ETV5: variants seen among roughly 807,000 people sequenced by gnomAD.
The protein encoded by ETV5 is ETS variant transcription factor 5.
ETV5 carries 10 observed loss-of-function variants against 70.0 expected under a neutral mutation model. The ratio of observed to expected loss-of-function variants is 0.14; its 90% confidence interval spans 0.09 to 0.24. The LOEUF is 0.24. ETV5 is among the 10% of genes least tolerant of loss of function. The pLI, the probability that ETV5 is intolerant of heterozygous loss-of-function variation, is 1.00. For synonymous variants in ETV5, 216 were observed against 242.2 expected (o/e 0.89, Z 1.01); for missense variants, 453 against 651.2 (o/e 0.70, Z 3.31).
chr3:186,101,538 T>A (rs1203981987), intron 5 of ETV5, among the ~76,000 whole-genome samples: 2 of 152,178 alleles, frequency 1.3e-5, no homozygotes, highest in African/African-American at 4.8e-5. Context: ...ATTGAGTAAC[T>A]TTCTCAGGAT....
At position 186,047,860 on chromosome 3, in the gene ETV5, A is replaced by C; in HGVS notation, c.*779T>G. ...AAATCAGTTTATAAACTGTTTTTCC[A>C]AAACAACCACCAAAACAAAACAATC... is the stretch of plus-strand genomic sequence containing the variant. On this transcript the variant is annotated 3_prime_UTR_variant, in exon 13 of 13. Transcript: ENST00000306376. 1 of 233,630 alleles carries C rather than the reference A, an allele frequency of 4.3e-6. No individual in the cohort carries two copies. Among genetic ancestry groups the C allele is most frequent in the South Asian group, 1.8e-4 (1 of 5,522 alleles). The allele number at this position is 233,630 out of a possible 1,614,324, so 14.5% of individuals were successfully genotyped here. A position where few individuals can be genotyped will look rare whatever the true frequency, so the allele number is the denominator to read the frequency against.
intron 7 of ETV5, among the ~76,000 whole-genome samples, chr3:186,067,042 C>A (rs1326631690): frequency 1.3e-5 from 2 of 152,362 alleles, no homozygotes; most frequent in East Asian, 3.9e-4. Flanking sequence ...TGCCAGTAAT[C>A]CCAGCACTTT....
At chr3:186,071,789 G>A (rs749948443) in intron 7 of ETV5, among the ~76,000 whole-genome samples, 4 of 151,330 alleles carry the variant, frequency 2.6e-5, no homozygotes, top group South Asian at 2.1e-4. Flanking sequence ...TGACCAACAC[G>A]GTGAAACCTG....
chr3:186,073,315 A>G (rs1713690731), intron 7 of ETV5, among the ~76,000 whole-genome samples: 1 of 152,272 alleles, frequency 6.6e-6, no homozygotes, highest in South Asian at 2.1e-4. Flanking sequence ...TTCAAAAAGT[A>G]AAATTGTCAT....
intron 5 of ETV5, among the ~76,000 whole-genome samples, chr3:186,098,288 G>C (rs188935860): frequency 9.2e-4 from 140 of 152,334 alleles, no homozygotes; most frequent in African/African-American, 3.3e-3. Flanking sequence ...GACTTCAGTG[G>C]TATTTCTCCT....
rs749973761 is a variant in ETV5, at chr3:186,064,440, C to A, written c.947G>T (p.Gly316Val). ...ACCTTCATGGCTGCTGGAGAAATAA[C>A]CCCCTCTCATGTAGGATGACTGGCA... Reference protein sequence around the residue: ...PNCQSSYMRGGYFSSSHEGFS... With the variant: ...PNCQSSYMRGVYFSSSHEGFS... Residue 316 changes from glycine (G) to valine (V), a missense_variant, in exon 9 of 13, where the codon GGT (glycine) becomes GTT (valine). Physicochemically the swap from Gly to Val is moderately radical, Grantham distance 109. This residue lies in a region of ETV5 where 307 missense variants were observed against 344.9 expected (regional missense o/e 0.89). Transcript: ENST00000306376. 1.2e-6 allele frequency: 2 copies of A among 1,614,012 alleles called. No homozygotes were observed. The highest frequency in any genetic ancestry group is 1.7e-6 in the Non-Finnish European group (2 of 1,180,022).
intron 9 of ETV5, among the ~76,000 whole-genome samples, chr3:186,059,918 T>C (rs1713263709): frequency 6.6e-6 from 1 of 152,238 alleles, no homozygotes; most frequent in Non-Finnish European, 1.5e-5. Flanking sequence ...AGGGATTCAA[T>C]GACTCCTGAT....
At chr3:186,062,141 C>T (rs1319811871) in intron 9 of ETV5, among the ~76,000 whole-genome samples, 2 of 152,288 alleles carry the variant, frequency 1.3e-5, no homozygotes, top group East Asian at 3.9e-4. Flanking sequence ...TAAAAGCATC[C>T]CCATGCAATG....
intron 7 of ETV5, among the ~76,000 whole-genome samples, 190 bp from the exon 8 acceptor site, chr3:186,066,262 C>CGAAAAAAAAAA (rs1713440879): frequency 1.1e-5 from 1 of 94,888 alleles, no homozygotes; most frequent in African/African-American, 4.1e-5. Flanking sequence ...CAGGAAGTGG[C>CGAAAAAAAAAA]AAAAAAAAAA....
intron 7 of ETV5, among the ~76,000 whole-genome samples, chr3:186,071,720 C>T (rs1311205375): frequency 1.3e-5 from 2 of 151,898 alleles, no homozygotes; most frequent in South Asian, 2.1e-4. Flanking sequence ...TTTGGGAGCT[C>T]GAGGCGGGCA....
chr3:186,093,112 A>C (rs184688937), intron 5 of ETV5, among the ~76,000 whole-genome samples: 5 of 152,362 alleles, frequency 3.3e-5, no homozygotes, highest in East Asian at 1.9e-4. Flanking sequence ...GAAATCCAGC[A>C]TATCAGCAAT....
chr3:186,105,562 A>G lies in ETV5; in HGVS notation c.133+63T>C. The G allele has an allele frequency of 6.2e-7, 1 of 1,612,082 alleles. No individual in the cohort carries two copies. The highest frequency in any genetic ancestry group is 8.5e-7 in the Non-Finnish European group (1 of 1,178,132). On this transcript the variant is annotated intron_variant, in intron 3 of 12. Transcript: ENST00000306376. The surrounding 1 kb of genome is among the most constrained non-coding windows in gnomAD (Gnocchi z 4.5). ...TTCGCTAGGGAGAAGACAGGGAAGA[A>G]TCTACACGCTACTGTCACTGGGAGC...
chr3:186,080,910 G>T, intron 6 of ETV5, 136 bp downstream of exon 6: 1 of 1,042,560 alleles, frequency 9.6e-7, no homozygotes, highest in Non-Finnish European at 1.4e-6. Context: ...CCCGGAGGAT[G>T]ACACTGCCAT....
chr3:186,102,682 A>G (rs1714490240), intron 5 of ETV5, among the ~76,000 whole-genome samples: 2 of 151,414 alleles, frequency 1.3e-5, no homozygotes, highest in Admixed American at 1.3e-4. Flanking sequence ...TGGCAAATCT[A>G]AGTTTGGCTT....
chr3:186,054,869 A>C lies in ETV5; in HGVS notation c.1209+2206T>G, dbSNP rs1713119398. Among the ~76,000 whole-genome samples, 1 of 152,174 alleles carries C rather than the reference A, an allele frequency of 6.6e-6. No homozygotes were observed. Among genetic ancestry groups the C allele is most frequent in the African/African-American group, 2.4e-5 (1 of 41,438 alleles). ...GGCTAACGTGCACATGTGGCACCCAACTGATCCTGGGTGAAGAGAAAGGAA... is the reference window on the plus strand; with the variant it reads ...GGCTAACGTGCACATGTGGCACCCACCTGATCCTGGGTGAAGAGAAAGGAA... On this transcript the variant is annotated intron_variant, in intron 11 of 12. Transcript: ENST00000306376. This position sits in a 1 kb window ranked among gnomAD's most constrained non-coding sequence, Gnocchi z 4.4.
At chr3:186,048,969 G>T in intron 12 of ETV5, 109 bp from the exon 13 acceptor site, 1 of 839,202 alleles carries the variant, frequency 1.2e-6, no homozygotes, top group Non-Finnish European at 1.9e-6. Flanking sequence ...AGGAGCAGCC[G>T]ATTACCCCAA....
At chr3:186,101,182 A>G (rs898961679) in intron 5 of ETV5, among the ~76,000 whole-genome samples, 2 of 152,266 alleles carry the variant, frequency 1.3e-5, no homozygotes, top group Non-Finnish European at 2.9e-5. Context: ...TTACATAGAT[A>G]TATACACATG....
At position 186,105,594 on chromosome 3, in the gene ETV5, G is replaced by C; in HGVS notation, c.133+31C>G. On this transcript the variant is annotated intron_variant, in intron 3 of 12. Coordinates refer to ENST00000306376, the MANE Select transcript of ETV5 (RefSeq NM_004454.3). This position sits in a 1 kb window ranked among gnomAD's most constrained non-coding sequence, Gnocchi z 4.5. ...CGCTACTGTCACTGGGAGCAGGGAA[G>C]CCACAACATAATCAGGGAAAGCTTT... 1.2e-6 allele frequency: 2 copies of C among 1,613,186 alleles called. No individual in the cohort carries two copies. The highest frequency in any genetic ancestry group is 1.7e-6 in the Non-Finnish European group (2 of 1,179,112).
chr3:186,088,407 CA>C (rs1212168262), intron 5 of ETV5, among the ~76,000 whole-genome samples: 1 of 152,188 alleles, frequency 6.6e-6, no homozygotes, highest in Non-Finnish European at 1.5e-5. Context: ...CTCAGGGTTC[CA>C]GAGCCATCAT....
Sources: allele counts gnomAD v4.1 joint callset (sites outside exome capture counted in the v4.1 genomes callset), GRCh38; gene constraint gnomAD v4.1.1; regional missense constraint gnomAD v4.1.1; non-coding constraint Gnocchi (gnomAD v3.1); transcripts MANE v1.5; gene names NCBI Gene and HGNC (gene_info 2026-07-23, HGNC 2026-07-21).